NR5A2: variants seen among roughly 807,000 people sequenced by gnomAD.
The protein encoded by NR5A2 is CYP7A promoter-binding factor.
In NR5A2, 26 loss-of-function variants were observed where a neutral mutation model predicts 62.7. That is an observed-to-expected ratio of 0.41 (90% CI 0.30 to 0.58). NR5A2 has a LOEUF of 0.58. Ranked by LOEUF, NR5A2 falls within the 20% of genes least tolerant of loss-of-function variation. NR5A2 has a pLI of 0.22. For synonymous variants in NR5A2, 246 were observed against 241.7 expected (o/e 1.02, Z -0.16); for missense variants, 541 against 669.1 (o/e 0.81, Z 2.11).
In NR5A2 at chr1:200,048,733, T is replaced by C. The variant is rs201550930; in HGVS notation, c.1025T>C (p.Phe342Ser). Residue 342 changes from phenylalanine (F) to serine (S), a missense_variant, in exon 5 of 8, where the codon TTT becomes TCT. Physicochemically the swap from Phe to Ser is radical, Grantham distance 155. Coordinates refer to ENST00000367362, the MANE Select transcript of NR5A2 (RefSeq NM_205860.3). The surrounding 1 kb of genome is among the most constrained non-coding windows in gnomAD (Gnocchi z 4.8). ...AGCAAGCACGAAAAGCTGAGCACCT[T>C]TGGGCTTATGTGCAAAATGGCAGAT... Reference protein sequence around the residue: ...NRSKHEKLSTFGLMCKMADQT... With the variant: ...NRSKHEKLSTSGLMCKMADQT... 3 of 1,614,188 alleles carry C rather than the reference T, an allele frequency of 1.9e-6. No individual in the cohort carries two copies. The highest frequency in any genetic ancestry group is 2.5e-6 in the Non-Finnish European group (3 of 1,180,028).
chr1:200,085,550 C>T (rs552180119), intron 5 of NR5A2, among the ~76,000 whole-genome samples: 40 of 151,650 alleles, frequency 2.6e-4, no homozygotes, highest in East Asian at 5.8e-4. Flanking sequence ...GTATAACTTA[C>T]GTGGTTATCT....
At chr1:200,087,620 C>T (rs1664616364) in intron 5 of NR5A2, among the ~76,000 whole-genome samples, 1 of 152,058 alleles carries the variant, frequency 6.6e-6, no homozygotes, top group African/African-American at 2.4e-5. Flanking sequence ...TGGTCGCGAT[C>T]TCTTGACCTC....
intron 5 of NR5A2, among the ~76,000 whole-genome samples, chr1:200,101,854 A>C (rs1432487327): frequency 6.6e-6 from 1 of 152,232 alleles, no homozygotes; most frequent in Non-Finnish European, 1.5e-5. Context: ...GTTAAGAGGA[A>C]GAATAAAAGC....
chr1:200,145,090 T>C (rs1667626793), intron 7 of NR5A2, among the ~76,000 whole-genome samples: 1 of 152,114 alleles, frequency 6.6e-6, no homozygotes, highest in Admixed American at 6.6e-5. Context: ...GGCAGGCGGA[T>C]CACAAGGTCA....
At chr1:200,127,395 G>A (rs1666751290) in intron 7 of NR5A2, among the ~76,000 whole-genome samples, 1 of 151,966 alleles carries the variant, frequency 6.6e-6, no homozygotes, top group South Asian at 2.1e-4. Flanking sequence ...GTATCCAAAA[G>A]GCCGGGTACA....
At chr1:200,052,940 T>C (rs906463103) in intron 5 of NR5A2, among the ~76,000 whole-genome samples, 3 of 152,162 alleles carry the variant, frequency 2.0e-5, no homozygotes, top group Admixed American at 6.5e-5. Context: ...GCACCCGGCC[T>C]ACCTCTTGCT....
chr1:200,170,099 G>GT (rs1654102430), intron 7 of NR5A2, among the ~76,000 whole-genome samples: 1 of 151,952 alleles, frequency 6.6e-6, no homozygotes, highest in Admixed American at 6.6e-5. Flanking sequence ...TCTAGATTTT[G>GT]GTTTTTTTAA....
In NR5A2 at chr1:200,175,690, G is replaced by A. The variant is rs1031383864; in HGVS notation, c.*1480G>A. 2.6e-5 allele frequency: 4 copies of A among 152,536 alleles called. No individual in the cohort carries two copies. Among genetic ancestry groups the A allele is most frequent in the Non-Finnish European group, 5.9e-5 (4 of 68,022 alleles). The allele number at this position is 152,536 out of a possible 1,614,324, so 9.4% of individuals were successfully genotyped here. A position where few individuals can be genotyped will look rare whatever the true frequency, so the allele number is the denominator to read the frequency against. ...GTGATATAACAAAATAGCAAAAGCGGTAATTTCCTTAATGTTATTTTTCTG... is the reference window on the plus strand; with the variant it reads ...GTGATATAACAAAATAGCAAAAGCGATAATTTCCTTAATGTTATTTTTCTG... On this transcript the variant is annotated 3_prime_UTR_variant, in exon 8 of 8. Coordinates refer to ENST00000367362, the MANE Select transcript of NR5A2 (RefSeq NM_205860.3).
chr1:200,112,477 A>G (rs1353782209), intron 6 of NR5A2, among the ~76,000 whole-genome samples: 2 of 152,212 alleles, frequency 1.3e-5, no homozygotes, highest in African/African-American at 2.4e-5. Flanking sequence ...ATGTTCAGCC[A>G]TAAATGTTTA....
chr1:200,104,656 C>A (rs1195967795), intron 5 of NR5A2, among the ~76,000 whole-genome samples: 1 of 151,808 alleles, frequency 6.6e-6, no homozygotes, highest in Non-Finnish European at 1.5e-5. Context: ...AAATCATTTT[C>A]TTTCCTTTTC....
intron 1 of NR5A2, among the ~76,000 whole-genome samples, chr1:200,030,279 C>T (rs1024151230): frequency 3.9e-5 from 6 of 152,040 alleles, no homozygotes; most frequent in African/African-American, 1.2e-4. Context: ...AGGAAATGAG[C>T]CTCCTTTTGT....
chr1:200,043,780 A>C lies in NR5A2; in HGVS notation c.209A>C (p.Gln70Pro). Residue 70 changes from glutamine (Q) to proline (P), a missense_variant, in exon 3 of 8, where the codon CAA becomes CCA. This residue lies in a region of NR5A2 where 108 missense variants were observed against 103.3 expected (regional missense o/e 1.05). Transcript: ENST00000367362. ...GQMPENMQVSQFKMVNYSYDE... is the reference protein window; with the variant it reads ...GQMPENMQVSPFKMVNYSYDE... The stretch of plus-strand genomic sequence containing the variant: ...ATTTCTCTTTTTGTTTCAGTGTCTC[A>C]ATTTAAAATGGTGAATTACTCCTAT... 1 of 1,603,650 alleles carries C rather than the reference A, an allele frequency of 6.2e-7. No individual in the cohort carries two copies. Among genetic ancestry groups the C allele is most frequent in the South Asian group, 1.1e-5 (1 of 90,332 alleles).
intron 1 of NR5A2, among the ~76,000 whole-genome samples, chr1:200,034,783 CTTTTTTTTTTTTTTTT>C (rs767393832): frequency 5.6e-5 from 4 of 71,282 alleles, no homozygotes; most frequent in East Asian, 6.1e-4. Context: ...AGCAGAAAGG[CTTTTTTTTTTTTTTTT>C]TTTTTTTTTT....
At chr1:200,146,847 A>G (rs1373859203) in intron 7 of NR5A2, among the ~76,000 whole-genome samples, 1 of 152,212 alleles carries the variant, frequency 6.6e-6, no homozygotes, top group Non-Finnish European at 1.5e-5. Flanking sequence ...AAAAATTTAC[A>G]TAATAATTTA....
At chr1:200,163,969 T>G (rs1653776104) in intron 7 of NR5A2, among the ~76,000 whole-genome samples, 1 of 151,988 alleles carries the variant, frequency 6.6e-6, no homozygotes, top group East Asian at 1.9e-4. Context: ...TGTCTTTGGA[T>G]CATGGGGTCA....
chr1:200,173,698 GAA>G (rs1654287607), intron 7 of NR5A2, among the ~76,000 whole-genome samples: 1 of 152,168 alleles, frequency 6.6e-6, no homozygotes, highest in South Asian at 2.1e-4. Context: ...TGTAAGATAT[GAA>G]AAGAGTTGAC....
At chr1:200,125,677 T>A (rs2737687) in intron 7 of NR5A2, among the ~76,000 whole-genome samples, 135,014 of 152,062 alleles carry the variant, frequency 0.89, 59,965 homozygotes, top group East Asian at 0.97. Context: ...TATCTTAAAA[T>A]AATTAAGAAC....
intron 5 of NR5A2, among the ~76,000 whole-genome samples, chr1:200,090,877 G>T (rs1052153619): frequency 6.6e-6 from 1 of 152,088 alleles, no homozygotes; most frequent in African/African-American, 2.4e-5. Context: ...TCACATTCAC[G>T]TACACAATAA....
At chr1:200,135,941 A>C (rs1667203236) in intron 7 of NR5A2, among the ~76,000 whole-genome samples, 1 of 152,250 alleles carries the variant, frequency 6.6e-6, no homozygotes, top group Non-Finnish European at 1.5e-5. Context: ...AATAACTGAT[A>C]CATTAATTCA....
Sources: allele counts gnomAD v4.1 joint callset (sites outside exome capture counted in the v4.1 genomes callset), GRCh38; gene constraint gnomAD v4.1.1; regional missense constraint gnomAD v4.1.1; non-coding constraint Gnocchi (gnomAD v3.1); transcripts MANE v1.5; gene names NCBI Gene and HGNC (gene_info 2026-07-23, HGNC 2026-07-21).